Variants in SLC24A2 observed in about 807,000 individuals in gnomAD.
The protein encoded by SLC24A2 is solute carrier family 24 member 2, also known as sodium/potassium/calcium exchanger 2.
In SLC24A2, 36 loss-of-function variants were observed where a neutral mutation model predicts 62.0. The observed-to-expected ratio is 0.58, with a 90% CI of 0.44 to 0.77. The LOEUF (loss-of-function observed/expected upper bound fraction) is 0.77, where lower values mean the gene tolerates loss of function less well. Among genes scored for constraint, SLC24A2 ranks in the 30% least tolerant of loss-of-function variants. The pLI is 0.00. For synonymous variants in SLC24A2, 358 were observed against 294.0 expected, an observed-to-expected ratio of 1.22 and a Z score of -2.23; for missense variants, 846 against 817.9, an observed-to-expected ratio of 1.03 and a Z score of -0.42.
Position 19,530,424 on chromosome 9 carries a change from C to A in SLC24A2, c.1480-2286G>T, listed in dbSNP as rs1219431095. On this transcript the variant is annotated intron_variant, in intron 8 of 10. Coordinates refer to ENST00000341998, the MANE Select transcript of SLC24A2 (RefSeq NM_020344.4). The stretch of plus-strand genomic sequence containing the variant: ...AAGTACTAGATGTCCTAGGAGAGTC[C>A]TCATTTCATAGATTGCTCGTTTTCC... Among the ~76,000 whole-genome samples the A allele has an allele frequency of 3.3e-5, 5 of 152,238 alleles. No homozygotes were observed. The East Asian group carries it at 7.7e-4, about 24-fold the overall frequency.
the SLC24A2 span, among the ~76,000 whole-genome samples, chr9:20,170,737 A>G: frequency 2.6e-5 from 4 of 152,070 alleles, no homozygotes; most frequent in Non-Finnish European, 5.9e-5. Flanking sequence ...ATCTTTCATA[A>G]GAATAATCAG....
chr9:19,643,721 A>G (rs928896491), intron 2 of SLC24A2, among the ~76,000 whole-genome samples: 1 of 152,240 alleles, frequency 6.6e-6, no homozygotes, highest in African/African-American at 2.4e-5. Flanking sequence ...TCCAGTCTGC[A>G]AAGAACTTGT....
At chr9:19,522,199 T>C (rs1280292292) in intron 9 of SLC24A2, among the ~76,000 whole-genome samples, 1 of 152,098 alleles carries the variant, frequency 6.6e-6, no homozygotes, top group Non-Finnish European at 1.5e-5. Context: ...TGGTTCTTAC[T>C]ATGTTGCCCA....
chr9:20,204,186 C>T, the SLC24A2 span, among the ~76,000 whole-genome samples: 1 of 152,112 alleles, frequency 6.6e-6, no homozygotes, highest in Non-Finnish European at 1.5e-5. Flanking sequence ...ACTAGAGAAA[C>T]ACATATATAG....
chr9:20,155,489 T>C, the SLC24A2 span, among the ~76,000 whole-genome samples: 2 of 151,872 alleles, frequency 1.3e-5, no homozygotes, highest in African/African-American at 4.8e-5. Context: ...TTTTTCTGTT[T>C]GTTTCAGATG....
chr9:20,180,660 C>T, the SLC24A2 span, among the ~76,000 whole-genome samples: 1 of 152,112 alleles, frequency 6.6e-6, no homozygotes, highest in Non-Finnish European at 1.5e-5. Flanking sequence ...TAATTAGAGC[C>T]TAAAGACTTG....
In SLC24A2 at chr9:19,711,079, T is replaced by C. The variant is rs139158618; in HGVS notation, c.930+74858A>G. 4.7e-3 allele frequency among the ~76,000 whole-genome samples: 718 copies of C among 152,348 alleles called. 4 individuals carry two copies. The highest frequency in any genetic ancestry group is 0.016 in the African/African-American group (676 of 41,584). On this transcript the variant is annotated intron_variant, in intron 2 of 10. Coordinates refer to ENST00000341998, the MANE Select transcript of SLC24A2 (RefSeq NM_020344.4). ...TTCTAGAAGCAAAATAACTGTGTGC[T>C]TAGCAGTTCTGTAAGTAAGGTCTGG... is the stretch of plus-strand genomic sequence containing the variant.
the SLC24A2 span, among the ~76,000 whole-genome samples, chr9:20,153,672 T>C: frequency 3.3e-5 from 5 of 151,592 alleles, no homozygotes; most frequent in African/African-American, 9.7e-5. Flanking sequence ...ATATAACACT[T>C]CTTCAGTTTC....
the SLC24A2 span, among the ~76,000 whole-genome samples, chr9:19,943,766 TA>T: frequency 1.3e-5 from 2 of 152,346 alleles, no homozygotes; most frequent in African/African-American, 4.8e-5. Context: ...TTTAAAAAGT[TA>T]AAGCTATTTA....
intron 2 of SLC24A2, among the ~76,000 whole-genome samples, chr9:19,649,960 G>A (rs1818751705): frequency 6.6e-6 from 1 of 152,224 alleles, no homozygotes; most frequent in Admixed American, 6.5e-5. Flanking sequence ...CATGGCCAAG[G>A]AGCAAAAGCT....
At chr9:19,953,263 C>T in the SLC24A2 span, among the ~76,000 whole-genome samples, 1 of 151,886 alleles carries the variant, frequency 6.6e-6, no homozygotes, top group African/African-American at 2.4e-5. Flanking sequence ...ATTCCTTCTC[C>T]TGCACAGCTC....
chr9:19,908,726 A>G, the SLC24A2 span, among the ~76,000 whole-genome samples: 1 of 152,228 alleles, frequency 6.6e-6, no homozygotes, highest in Non-Finnish European at 1.5e-5. Context: ...AAAACACATG[A>G]AAAAATGCTT....
At chr9:19,645,377 G>T (rs1181454686) in intron 2 of SLC24A2, among the ~76,000 whole-genome samples, 1 of 152,122 alleles carries the variant, frequency 6.6e-6, no homozygotes, top group Non-Finnish European at 1.5e-5. Flanking sequence ...ATGCTGCATA[G>T]TTACAACTAA....
At chr9:20,163,365 T>G in the SLC24A2 span, among the ~76,000 whole-genome samples, 3 of 152,026 alleles carry the variant, frequency 2.0e-5, no homozygotes, top group South Asian at 2.1e-4. Context: ...AAATCATGAG[T>G]GAACTCCCAT....
chr9:20,207,136 C>G, the SLC24A2 span, among the ~76,000 whole-genome samples: 5 of 152,284 alleles, frequency 3.3e-5, no homozygotes, highest in South Asian at 1.0e-3. Context: ...ATGAATCTTT[C>G]AACTTTAGTA....
the SLC24A2 span, among the ~76,000 whole-genome samples, chr9:20,082,907 T>G: frequency 6.6e-6 from 1 of 152,262 alleles, no homozygotes; most frequent in Non-Finnish European, 1.5e-5. Context: ...AATAAAGCAT[T>G]TTTAATATAA....
chr9:20,080,162 T>C, the SLC24A2 span, among the ~76,000 whole-genome samples: 2 of 152,232 alleles, frequency 1.3e-5, no homozygotes, highest in Non-Finnish European at 2.9e-5. Context: ...TAAGCCTGCA[T>C]TGCCAAGTCA....
the SLC24A2 span, among the ~76,000 whole-genome samples, chr9:19,904,307 C>G: frequency 6.6e-6 from 1 of 152,208 alleles, no homozygotes; most frequent in Non-Finnish European, 1.5e-5. Flanking sequence ...GCCTCTGCCT[C>G]TCTCCTCTAA....
At chr9:19,598,603 G>C (rs1836766266) in intron 4 of SLC24A2, among the ~76,000 whole-genome samples, 1 of 151,822 alleles carries the variant, frequency 6.6e-6, no homozygotes, top group Non-Finnish European at 1.5e-5. Context: ...ATTGAATTTT[G>C]TATAAATAGA....
Sources: gnomAD v4.1 joint callset for allele counts (sites outside exome capture counted in the v4.1 genomes callset) on GRCh38, gnomAD v4.1.1 for gene constraint, MANE v1.5 for transcripts, NCBI Gene and HGNC (gene_info 2026-07-23, HGNC 2026-07-21) for gene names.